Variants in AFG2A observed in about 807,000 individuals in gnomAD.
AFG2A encodes ATPase family gene 2 protein homolog A.
the AFG2A span, among the ~76,000 whole-genome samples, chr4:123,304,940 T>C: frequency 6.6e-6 from 1 of 152,200 alleles, no homozygotes; most frequent in Non-Finnish European, 1.5e-5. Context: ...AATTGCTGCA[T>C]AGCCATGACC....
chr4:123,078,851 A>ATC, the AFG2A span, among the ~76,000 whole-genome samples: 1 of 152,182 alleles, frequency 6.6e-6, no homozygotes, highest in South Asian at 2.1e-4. Context: ...GCTGAAAAAC[A>ATC]TAGAGATGAG....
chr4:123,175,798 G>A, the AFG2A span, among the ~76,000 whole-genome samples: 7 of 152,272 alleles, frequency 4.6e-5, no homozygotes, highest in East Asian at 1.9e-4. Context: ...CCTGTGGAAC[G>A]TTCTGTAACA....
At chr4:123,178,819 A>G in the AFG2A span, among the ~76,000 whole-genome samples, 1 of 152,252 alleles carries the variant, frequency 6.6e-6, no homozygotes, top group Non-Finnish European at 1.5e-5. Flanking sequence ...GCAATAAAGA[A>G]TATTGGAAAA....
chr4:123,259,012 A>G, the AFG2A span, among the ~76,000 whole-genome samples: 2 of 151,724 alleles, frequency 1.3e-5, no homozygotes, highest in Non-Finnish European at 1.5e-5. Context: ...GATTACAGGC[A>G]CCCACCACCA....
chr4:123,155,444 C>A, the AFG2A span, among the ~76,000 whole-genome samples: 1 of 151,722 alleles, frequency 6.6e-6, no homozygotes, highest in Non-Finnish European at 1.5e-5. Flanking sequence ...TCTTCTTTTC[C>A]TCCACATTCC....
the AFG2A span, among the ~76,000 whole-genome samples, chr4:123,181,524 G>A: frequency 1.3e-5 from 2 of 152,110 alleles, no homozygotes; most frequent in Admixed American, 1.3e-4. Flanking sequence ...GAGGTGGGTG[G>A]ATTGCTTGAG....
the AFG2A span, among the ~76,000 whole-genome samples, chr4:123,083,957 GA>G: frequency 1.3e-5 from 2 of 152,046 alleles, no homozygotes; most frequent in South Asian, 4.1e-4. Flanking sequence ...TTTCTGTTTT[GA>G]AAGGTTATTA....
At chr4:123,168,957 A>G in the AFG2A span, among the ~76,000 whole-genome samples, 1 of 152,234 alleles carries the variant, frequency 6.6e-6, no homozygotes, top group Non-Finnish European at 1.5e-5. Flanking sequence ...CTTGCAGTTA[A>G]GTACATTCCT....
chr4:123,078,517 A>G, the AFG2A span, among the ~76,000 whole-genome samples: 2 of 152,200 alleles, frequency 1.3e-5, no homozygotes, highest in Admixed American at 6.5e-5. Context: ...CTAGAATTGT[A>G]TAGAGGTAAA....
the AFG2A span, among the ~76,000 whole-genome samples, chr4:122,954,328 C>T: frequency 6.6e-6 from 1 of 152,200 alleles, no homozygotes. Flanking sequence ...CCACCTTCTG[C>T]CCAGCTCCAC....
At chr4:123,133,075 C>T in the AFG2A span, among the ~76,000 whole-genome samples, 8 of 152,166 alleles carry the variant, frequency 5.3e-5, no homozygotes, top group African/African-American at 1.9e-4. Context: ...CCACTGCGCC[C>T]AGCCGATTTC....
At chr4:122,931,233 T>A in the AFG2A span, among the ~76,000 whole-genome samples, 1 of 152,166 alleles carries the variant, frequency 6.6e-6, no homozygotes, top group Non-Finnish European at 1.5e-5. Context: ...TAAACAAAAG[T>A]AAATGTAAGC....
At chr4:123,156,696 C>T in the AFG2A span, among the ~76,000 whole-genome samples, 1 of 148,986 alleles carries the variant, frequency 6.7e-6, no homozygotes, top group Admixed American at 6.7e-5. Context: ...GGACACAAAC[C>T]AACCTCTTTG....
At chr4:122,980,057 A>G in the AFG2A span, among the ~76,000 whole-genome samples, 126,504 of 152,168 alleles carry the variant, frequency 0.83, 53,734 homozygotes, top group East Asian at 0.96. Context: ...AAAGGTTTGC[A>G]TATTCATCAC....
chr4:123,259,779 A>G, the AFG2A span, among the ~76,000 whole-genome samples: 1 of 152,264 alleles, frequency 6.6e-6, no homozygotes, highest in East Asian at 1.9e-4. Flanking sequence ...TTACAAAAAA[A>G]AGCAATAACT....
the AFG2A span, among the ~76,000 whole-genome samples, chr4:123,289,492 T>C: frequency 2.0e-5 from 3 of 152,216 alleles, no homozygotes; most frequent in Non-Finnish European, 2.9e-5. Context: ...CAGATGTCTC[T>C]TTTATATAAT....
the AFG2A span, among the ~76,000 whole-genome samples, chr4:123,210,053 A>G: frequency 0.57 from 86,914 of 151,918 alleles, 27,356 homozygotes; most frequent in Non-Finnish European, 0.69. Context: ...AAGTTGATTT[A>G]TCTTCAGAGT....
At chr4:122,988,957 TTC>T in the AFG2A span, among the ~76,000 whole-genome samples, 1 of 152,226 alleles carries the variant, frequency 6.6e-6, no homozygotes, top group Non-Finnish European at 1.5e-5. Flanking sequence ...GTTCCAGAAT[TTC>T]TGTTTGGTTC....
chr4:122,974,206 CCCCTTCCTTAAA>C, the AFG2A span, among the ~76,000 whole-genome samples: 13 of 151,848 alleles, frequency 8.6e-5, no homozygotes, highest in Admixed American at 6.6e-5. Context: ...GTTTTCTAGA[CCCCTTCCTTAAA>C]TGAAAATAAT....
Sources: allele counts gnomAD v4.1 joint callset (sites outside exome capture counted in the v4.1 genomes callset), GRCh38; gene constraint gnomAD v4.1.1; transcripts MANE v1.5; gene names NCBI Gene and HGNC (gene_info 2026-07-23, HGNC 2026-07-21).